CCDC175: variants seen among roughly 807,000 people sequenced by gnomAD.
CCDC175 encodes the protein coiled-coil domain-containing protein 175.
A neutral mutation model predicts 114.6 loss-of-function variants in CCDC175; 100 were observed. The ratio of observed to expected loss-of-function variants is 0.87; its 90% confidence interval spans 0.74 to 1.03. CCDC175 has a LOEUF of 1.03. CCDC175 is among the 50% of genes least tolerant of loss of function. The probability of loss-of-function intolerance (pLI) is 0.00; values close to 1 mark genes in which losing one functional copy is unlikely to be tolerated. For synonymous variants in CCDC175, 306 were observed against 308.7 expected, an observed-to-expected ratio of 0.99 and a Z score of 0.09; for missense variants, 880 against 917.8, an observed-to-expected ratio of 0.96 and a Z score of 0.53.
chr14:59,545,254 G>A lies in CCDC175; in HGVS notation c.1081C>T (p.Arg361Ter), dbSNP rs995692009. ...CTGGCAAGAGTTTTCATTTTCTCTC[G>A]TAGGTCTTTGTATTCCATACGAGCA... The part of the protein sequence containing the change: ...HAARMEYKDL[R>*]EKMKTLARQY... The change falls in exon 9 of 20, where the codon CGA becomes TGA. Residue 361 changes from arginine to a stop codon, truncating the protein, a stop_gained. Transcript: ENST00000537690. LOFTEE classifies it high-confidence loss of function. 17 of 1,536,216 alleles carry A rather than the reference G, an allele frequency of 1.1e-5. 1 individual carries two copies. The highest frequency in any genetic ancestry group is 2.4e-5 in the East Asian group (1 of 40,898).
chr14:59,516,145 A>G (rs902526452), intron 17 of CCDC175, among the ~76,000 whole-genome samples: 4 of 152,212 alleles, frequency 2.6e-5, no homozygotes, highest in African/African-American at 9.6e-5. Context: ...ACATACCAGA[A>G]TCTCTGGGAC....
intron 17 of CCDC175, among the ~76,000 whole-genome samples, chr14:59,514,526 C>A (rs545018065): frequency 6.6e-6 from 1 of 152,244 alleles, no homozygotes; most frequent in South Asian, 2.1e-4. Flanking sequence ...AATGCATAAG[C>A]CTCAGTAGCC....
chr14:59,521,439 C>T (rs1441257947), intron 17 of CCDC175, 135 bp downstream of exon 17: 1 of 564,076 alleles, frequency 1.8e-6, no homozygotes, highest in Non-Finnish European at 3.1e-6. Flanking sequence ...TTGCAGAAGA[C>T]CTATCATGGG....
chr14:59,569,850 A>G (rs1322407867), intron 3 of CCDC175, among the ~76,000 whole-genome samples: 1 of 152,216 alleles, frequency 6.6e-6, no homozygotes, highest in African/African-American at 2.4e-5. Context: ...GGGTGGTAAG[A>G]AGTGAAGAGA....
intron 15 of CCDC175, among the ~76,000 whole-genome samples, chr14:59,526,630 C>T (rs556239456): frequency 2.0e-5 from 3 of 152,126 alleles, no homozygotes; most frequent in South Asian, 4.1e-4. Context: ...ACCAATTCCA[C>T]ATGCATATGC....
intron 10 of CCDC175, among the ~76,000 whole-genome samples, chr14:59,541,812 T>C (rs1453110664): frequency 6.6e-6 from 1 of 152,200 alleles, no homozygotes; most frequent in South Asian, 2.1e-4. Context: ...AGAGCAATTA[T>C]GCACAGTAAC....
intron 7 of CCDC175, among the ~76,000 whole-genome samples, chr14:59,555,072 T>C (rs1005087354): frequency 6.6e-6 from 1 of 152,172 alleles, no homozygotes; most frequent in Admixed American, 6.6e-5. Context: ...TCTGAAACTA[T>C]TCCAATCAAT....
At chr14:59,543,010 T>G (rs1894879822) in intron 10 of CCDC175, among the ~76,000 whole-genome samples, 1 of 152,198 alleles carries the variant, frequency 6.6e-6, no homozygotes, top group Admixed American at 6.5e-5. Flanking sequence ...TATTATTTTT[T>G]AATCAGAAAA....
intron 11 of CCDC175, among the ~76,000 whole-genome samples, chr14:59,539,939 T>G (rs1391932278): frequency 6.6e-6 from 1 of 151,804 alleles, no homozygotes; most frequent in Non-Finnish European, 1.5e-5. Flanking sequence ...GGAGTGGTAG[T>G]GCGTGCCGGT....
At chr14:59,516,235 C>A (rs1283476828) in intron 17 of CCDC175, among the ~76,000 whole-genome samples, 1 of 152,086 alleles carries the variant, frequency 6.6e-6, no homozygotes, top group East Asian at 1.9e-4. Context: ...AAAATTGACA[C>A]CCTAACATCA....
intron 4 of CCDC175, among the ~76,000 whole-genome samples, chr14:59,565,892 G>A (rs1264706284): frequency 2.6e-5 from 4 of 152,074 alleles, no homozygotes; most frequent in African/African-American, 9.7e-5. Context: ...TTTTGAACAG[G>A]ATCTGAATGG....
chr14:59,511,626 G>C, intron 18 of CCDC175, 134 bp downstream of exon 18: 3 of 572,580 alleles, frequency 5.2e-6, no homozygotes, highest in Non-Finnish European at 6.1e-6. Flanking sequence ...GAGTGAGAGA[G>C]CTAGTGTGAA....
chr14:59,551,398 A>T lies in CCDC175; in HGVS notation c.992T>A (p.Ile331Lys). Residue 331 changes from isoleucine to lysine, a missense_variant, in exon 8 of 20, where the codon ATA (isoleucine) becomes AAA (lysine). By Grantham distance (102) the Ile-to-Lys change is moderately radical (BLOSUM62 -3). Coordinates refer to ENST00000537690, the MANE Select transcript of CCDC175 (RefSeq NM_001164399.2). ...FTDNKEKLDD[I>K]SNDEKNEFLN... ...GAATTCATTTTTTTCATCATTAGATATATCATCTAGTTTTTCTTTGTTATC... is the reference window on the plus strand; with the variant it reads ...GAATTCATTTTTTTCATCATTAGATTTATCATCTAGTTTTTCTTTGTTATC... 1 of 1,463,250 alleles carries T rather than the reference A, an allele frequency of 6.8e-7. No homozygotes were observed. The highest frequency in any genetic ancestry group is 9.1e-7 in the Non-Finnish European group (1 of 1,095,146). 90.6% of individuals were successfully genotyped at this position (1,463,250 alleles called of 1,614,324 possible).
chr14:59,554,718 G>A (rs1365878812), intron 7 of CCDC175, among the ~76,000 whole-genome samples: 1 of 152,078 alleles, frequency 6.6e-6, no homozygotes, highest in East Asian at 1.9e-4. Flanking sequence ...TAGACTGCTA[G>A]CAAGACTAAT....
Position 59,531,912 on chromosome 14 carries a change from T to G in CCDC175, c.1624-2A>C, listed in dbSNP as rs1393883835. ...TTGTGTTTCCTTAACAAATATTTCC[T>G]TTAAAGAAAATAAAATCAATTGAGA... On this transcript the variant is annotated splice_acceptor_variant, in intron 13 of 19. Transcript: ENST00000537690. LOFTEE classifies it high-confidence loss of function. 13 of 1,123,364 alleles carry G rather than the reference T, an allele frequency of 1.2e-5. No individual in the cohort carries two copies. The East Asian group carries it at 3.4e-4, about 29-fold the overall frequency. The allele number at this position is 1,123,364 out of a possible 1,614,324, so 69.6% of individuals were successfully genotyped here.
intron 12 of CCDC175, 83 bp from the exon 13 acceptor site, chr14:59,538,237 C>G: frequency 8.4e-7 from 1 of 1,189,832 alleles, no homozygotes; most frequent in East Asian, 2.8e-5. Flanking sequence ...ATTAATATCT[C>G]TTTGCAGGAG....
chr14:59,513,497 A>C (rs192228906), intron 17 of CCDC175, among the ~76,000 whole-genome samples: 8 of 152,234 alleles, frequency 5.3e-5, no homozygotes, highest in Admixed American at 1.3e-4. Flanking sequence ...CTGTCTTAGC[A>C]AACGGCACAG....
In CCDC175 at chr14:59,531,889, G is replaced by T; in HGVS notation, c.1645C>A (p.Gln549Lys). The change falls in exon 14 of 20, where the codon CAA (glutamine) becomes AAA (lysine). Residue 549 changes from glutamine (Q) to lysine (K), a missense_variant. Transcript: ENST00000537690. The stretch of plus-strand genomic sequence containing the variant: ...TCTTCTTCCTTTTCTTTGTTAATTT[G>T]TGTTTCCTTAACAAATATTTCCTTT... ...KYEEIFVKET[Q>K]INKEKEEELV... is the part of the protein sequence containing the mutation. 8.1e-7 allele frequency: 1 copy of T among 1,235,832 alleles called. No homozygotes were observed. Among genetic ancestry groups the T allele is most frequent in the Non-Finnish European group, 1.1e-6 (1 of 886,818 alleles). The allele number at this position is 1,235,832 out of a possible 1,614,324, so 76.6% of individuals were successfully genotyped here. A position where few individuals can be genotyped will look rare whatever the true frequency, so the allele number is the denominator to read the frequency against.
rs541396739 is a variant in CCDC175, at chr14:59,512,723, G to T, written c.2099-920C>A. Among the ~76,000 whole-genome samples the T allele has an allele frequency of 3.9e-4, 59 of 151,810 alleles. 1 individual carries two copies. Among genetic ancestry groups the T allele is most frequent in the African/African-American group, 1.4e-3 (57 of 41,376 alleles). On this transcript the variant is annotated intron_variant, in intron 17 of 19. Transcript: ENST00000537690. ...AGATAAATACTATATTCTTGGATTA[G>T]AAAATATAATTTCATTAAAAAGTCT...
Sources: gnomAD v4.1 joint callset for allele counts (sites outside exome capture counted in the v4.1 genomes callset) on GRCh38, gnomAD v4.1.1 for gene constraint, MANE v1.5 for transcripts, NCBI Gene and HGNC (gene_info 2026-07-23, HGNC 2026-07-21) for gene names.